HS3ST5: variants seen among roughly 807,000 people sequenced by gnomAD.
HS3ST5 encodes heparan sulfate glucosamine 3-O-sulfotransferase 5.
Under a neutral mutation model 25.4 loss-of-function variants are expected in HS3ST5, and 10 were observed. The observed-to-expected ratio is 0.39, with a 90% CI of 0.24 to 0.67. HS3ST5 has a LOEUF of 0.67. HS3ST5 is among the 30% of genes least tolerant of loss of function. The pLI is 0.44. For missense variants in HS3ST5, 324 were observed against 420.7 expected (o/e 0.77, Z 2.01); for synonymous variants, 170 against 162.4 (o/e 1.05, Z -0.36).
chr6:114,176,360 C>T (rs180832172), intron 2 of HS3ST5, among the ~76,000 whole-genome samples: 50 of 152,290 alleles, frequency 3.3e-4, no homozygotes, highest in African/African-American at 1.1e-3. Flanking sequence ...AAATGATCCA[C>T]GGTTGCAATG....
At position 114,196,913 on chromosome 6, in the gene HS3ST5, T is replaced by C. The variant is rs147463578; in HGVS notation, c.-144-28451A>G. Reference sequence around the variant, plus strand: ...AAACATTGGGTGAAAAGAGCAATGATTGAGGAAAGAATGCTATTGAAGGGT... The same window carrying C: ...AAACATTGGGTGAAAAGAGCAATGACTGAGGAAAGAATGCTATTGAAGGGT... On this transcript the variant is annotated intron_variant, in intron 2 of 4. Transcript: ENST00000312719. 8.2e-3 allele frequency among the ~76,000 whole-genome samples: 1,249 copies of C among 152,008 alleles called. 20 individuals are homozygous for C. Among genetic ancestry groups the C allele is most frequent in the African/African-American group, 0.029 (1,193 of 41,474 alleles).
intron 1 of HS3ST5, among the ~76,000 whole-genome samples, chr6:114,297,489 T>C (rs1774877433): frequency 1.3e-5 from 2 of 152,204 alleles, no homozygotes; most frequent in South Asian, 4.1e-4. Flanking sequence ...GCAGGCTTCA[T>C]GGGGAAAAGC....
chr6:114,124,327 G>C (rs1776932725), intron 3 of HS3ST5, among the ~76,000 whole-genome samples: 2 of 152,176 alleles, frequency 1.3e-5, no homozygotes, highest in Admixed American at 6.5e-5. Context: ...CTGGAATGCA[G>C]GGTGTGCCAA....
chr6:114,306,876 A>T (rs1219465979), intron 1 of HS3ST5, among the ~76,000 whole-genome samples: 1 of 152,220 alleles, frequency 6.6e-6, no homozygotes, highest in Non-Finnish European at 1.5e-5. Context: ...CTTCTTAAGA[A>T]ATACATATAG....
intron 2 of HS3ST5, among the ~76,000 whole-genome samples, chr6:114,204,021 T>C (rs576020669): frequency 2.0e-5 from 3 of 152,268 alleles, no homozygotes; most frequent in African/African-American, 7.2e-5. Context: ...CGGAAGCGTG[T>C]ATACCATCCT....
At chr6:114,132,259 C>T (rs1777372614) in intron 3 of HS3ST5, 1 of 152,206 alleles carries the variant, frequency 6.6e-6, no homozygotes, top group Non-Finnish European at 1.5e-5. Context: ...AGGAAACCTT[C>T]ATTTTATTGC....
chr6:114,129,943 G>A (rs1446966809), intron 3 of HS3ST5, among the ~76,000 whole-genome samples: 1 of 152,188 alleles, frequency 6.6e-6, no homozygotes, highest in East Asian at 1.9e-4. Context: ...AAAGAGGAGA[G>A]TCAGACAAGT....
At chr6:114,318,570 GT>G (rs1775837851) in intron 1 of HS3ST5, among the ~76,000 whole-genome samples, 1 of 152,118 alleles carries the variant, frequency 6.6e-6, no homozygotes, top group Admixed American at 6.6e-5. Flanking sequence ...GTACAAATCT[GT>G]TCTCTTAAAT....
intron 2 of HS3ST5, among the ~76,000 whole-genome samples, chr6:114,169,854 G>C (rs935001306): frequency 2.0e-5 from 3 of 152,122 alleles, no homozygotes; most frequent in Non-Finnish European, 4.4e-5. Flanking sequence ...GTGACAATCA[G>C]TAATTGCAGG....
intron 2 of HS3ST5, among the ~76,000 whole-genome samples, chr6:114,207,633 CT>C (rs1400878045): frequency 6.6e-6 from 1 of 152,042 alleles, no homozygotes; most frequent in African/African-American, 2.4e-5. Context: ...ACTCTCTCTC[CT>C]TTAACTGACT....
chr6:114,200,876 A>T (rs1780981083), intron 2 of HS3ST5, among the ~76,000 whole-genome samples: 1 of 152,212 alleles, frequency 6.6e-6, no homozygotes, highest in Non-Finnish European at 1.5e-5. Context: ...CGCACAAAAA[A>T]TGATTCATCA....
intron 2 of HS3ST5, among the ~76,000 whole-genome samples, chr6:114,195,841 G>A (rs1562233929): frequency 6.6e-6 from 1 of 152,130 alleles, no homozygotes; most frequent in African/African-American, 2.4e-5. Flanking sequence ...TGCAGGCACA[G>A]ATAAGGGAAC....
At chr6:114,249,640 T>C (rs1462160209) in intron 1 of HS3ST5, among the ~76,000 whole-genome samples, 3 of 152,174 alleles carry the variant, frequency 2.0e-5, no homozygotes, top group Non-Finnish European at 2.9e-5. Flanking sequence ...GTGTTGTGCA[T>C]CCAGTGATTG....
intron 3 of HS3ST5, among the ~76,000 whole-genome samples, chr6:114,119,359 G>C (rs1227283104): frequency 6.6e-6 from 1 of 152,192 alleles, no homozygotes; most frequent in East Asian, 1.9e-4. Context: ...GGCAGAATCT[G>C]ATAAATTCTT....
chr6:114,138,181 A>G (rs1160325761), intron 3 of HS3ST5, among the ~76,000 whole-genome samples: 3 of 152,190 alleles, frequency 2.0e-5, no homozygotes, highest in Non-Finnish European at 4.4e-5. Flanking sequence ...TCATTGAACA[A>G]GTACTTATTG....
chr6:114,223,274 A>T (rs982210225), intron 2 of HS3ST5, among the ~76,000 whole-genome samples: 2 of 151,764 alleles, frequency 1.3e-5, no homozygotes, highest in East Asian at 3.8e-4. Context: ...GCCATCATAA[A>T]CCACTTTGCA....
chr6:114,155,056 C>T lies in HS3ST5; in HGVS notation c.-33+13295G>A, dbSNP rs141800937. ...TCTGTGCACTGCCATTGACCCAGCA[C>T]GGAGAGGCACCCTTAGAGTAGGAGG... On this transcript the variant is annotated intron_variant, in intron 3 of 4. Coordinates refer to ENST00000312719, the MANE Select transcript of HS3ST5 (RefSeq NM_153612.4). Among the ~76,000 whole-genome samples, 1,379 of 152,244 alleles carry T rather than the reference C, an allele frequency of 9.1e-3. 21 individuals are homozygous for T. Among genetic ancestry groups the T allele is most frequent in the African/African-American group, 0.032 (1,309 of 41,550 alleles).
intron 1 of HS3ST5, among the ~76,000 whole-genome samples, chr6:114,287,849 A>G (rs1774404690): frequency 2.6e-5 from 4 of 152,024 alleles, no homozygotes; most frequent in African/African-American, 9.7e-5. Flanking sequence ...AATCCCCCAT[A>G]AAGTGCCTAA....
chr6:114,308,839 G>A (rs1320698745), intron 1 of HS3ST5, among the ~76,000 whole-genome samples: 1 of 152,076 alleles, frequency 6.6e-6, no homozygotes, highest in Non-Finnish European at 1.5e-5. Flanking sequence ...ACCCTGAAAT[G>A]CCCATAGAAA....
Sources: gnomAD v4.1 joint callset for allele counts (sites outside exome capture counted in the v4.1 genomes callset) on GRCh38, gnomAD v4.1.1 for gene constraint, MANE v1.5 for transcripts, NCBI Gene and HGNC (gene_info 2026-07-23, HGNC 2026-07-21) for gene names.